Variants in CNTLN observed in about 807,000 individuals in gnomAD.
CNTLN encodes centlein.
CNTLN carries 212 observed loss-of-function variants against 180.0 expected under a neutral mutation model. The observed-to-expected ratio is 1.18, with a 90% CI of 1.05 to 1.32. The LOEUF is 1.32. Ranked by LOEUF, CNTLN falls within the 40% of genes most tolerant of loss-of-function variation. CNTLN has a pLI of 0.00. For missense variants in CNTLN, 2,095 were observed against 1,610.9 expected (o/e 1.30, Z -5.14); for synonymous variants, 722 against 563.1 (o/e 1.28, Z -3.99).
chr9:17,284,245 A>C (rs1237341137), intron 6 of CNTLN, among the ~76,000 whole-genome samples: 1 of 152,124 alleles, frequency 6.6e-6, no homozygotes, highest in Admixed American at 6.5e-5. Context: ...TTATTTTCTC[A>C]GGGTTTGGTA....
intron 23 of CNTLN, among the ~76,000 whole-genome samples, chr9:17,478,022 C>T (rs1832444486): frequency 6.6e-6 from 1 of 152,150 alleles, no homozygotes; most frequent in African/African-American, 2.4e-5. Flanking sequence ...CAACCATCAC[C>T]CTAATTTGTC....
intron 11 of CNTLN, 98 bp downstream of exon 11, chr9:17,341,046 A>T (rs1821442779): frequency 1.8e-6 from 2 of 1,109,256 alleles, no homozygotes; most frequent in East Asian, 6.1e-5. Flanking sequence ...GTTTTAAAGA[A>T]ATTATTTGGT....
At chr9:17,342,470 A>G (rs1045052880) in intron 12 of CNTLN, 26 bp downstream of exon 12, 2 of 1,575,566 alleles carry the variant, frequency 1.3e-6, no homozygotes, top group South Asian at 1.2e-5. Flanking sequence ...AACAATATGG[A>G]CTTAGATAAA....
intron 5 of CNTLN, among the ~76,000 whole-genome samples, chr9:17,266,235 G>A (rs921651199): frequency 6.6e-6 from 1 of 152,120 alleles, no homozygotes; most frequent in Non-Finnish European, 1.5e-5. Context: ...CTGGTATGCT[G>A]TGTCTTTGTT....
intron 1 of CNTLN, 24 bp downstream of exon 1, chr9:17,135,449 C>G: frequency 6.3e-7 from 1 of 1,575,190 alleles, no homozygotes; most frequent in South Asian, 1.2e-5. Context: ...TCGCAGTCCC[C>G]CTTTCCCCAC....
At chr9:17,299,911 C>A in intron 7 of CNTLN, 1 of 479,898 alleles carries the variant, frequency 2.1e-6, no homozygotes, top group Non-Finnish European at 2.7e-6. Context: ...CAGTTTTTAG[C>A]TGTCCCTTTT....
chr9:17,520,196 G>C, the CNTLN span, among the ~76,000 whole-genome samples: 26 of 152,164 alleles, frequency 1.7e-4, no homozygotes, highest in African/African-American at 5.1e-4. Flanking sequence ...ATTTTATGAA[G>C]TGTTTTCTTT....
chr9:17,501,158 T>C (rs1833735115), intron 25 of CNTLN, among the ~76,000 whole-genome samples: 1 of 152,220 alleles, frequency 6.6e-6, no homozygotes, highest in African/African-American at 2.4e-5. Context: ...TTCATCTGTA[T>C]CTTAAAACTG....
chr9:17,136,037 G>A (rs1817693752), intron 1 of CNTLN, among the ~76,000 whole-genome samples: 1 of 152,182 alleles, frequency 6.6e-6, no homozygotes, highest in African/African-American at 2.4e-5. Context: ...ACATTTTCAT[G>A]TGATCTTGCC....
chr9:17,510,367 A>G, the CNTLN span, among the ~76,000 whole-genome samples: 2 of 152,180 alleles, frequency 1.3e-5, no homozygotes, highest in Non-Finnish European at 2.9e-5. Flanking sequence ...TGAAATGAAT[A>G]TGTTTGTGCA....
At chr9:17,253,487 T>A (rs533255168) in intron 5 of CNTLN, among the ~76,000 whole-genome samples, 3 of 151,766 alleles carry the variant, frequency 2.0e-5, no homozygotes, top group Admixed American at 2.0e-4. Flanking sequence ...CCCTCCTTGG[T>A]TAAATTTAAT....
intron 5 of CNTLN, among the ~76,000 whole-genome samples, chr9:17,258,787 G>C (rs1826714417): frequency 1.4e-5 from 2 of 145,658 alleles, no homozygotes; most frequent in South Asian, 2.3e-4. Flanking sequence ...TCTGTTGTTG[G>C]TGTATAAGAA....
At chr9:17,400,319 A>G (rs1484608431) in intron 15 of CNTLN, among the ~76,000 whole-genome samples, 1 of 152,002 alleles carries the variant, frequency 6.6e-6, no homozygotes, top group Non-Finnish European at 1.5e-5. Flanking sequence ...TTGTATCTTT[A>G]CTAGAGATGA....
intron 12 of CNTLN, among the ~76,000 whole-genome samples, chr9:17,365,320 T>C (rs899225918): frequency 3.3e-5 from 5 of 152,180 alleles, no homozygotes; most frequent in Non-Finnish European, 5.9e-5. Context: ...CCTTCTGCCA[T>C]GAATGTTAAG....
intron 8 of CNTLN, among the ~76,000 whole-genome samples, chr9:17,315,657 T>C (rs974809147): frequency 3.3e-5 from 5 of 152,072 alleles, no homozygotes; most frequent in Admixed American, 2.6e-4. Flanking sequence ...TTGAGCTCTT[T>C]TTTGTATCTT....
At chr9:17,190,006 T>A (rs1821695057) in intron 2 of CNTLN, among the ~76,000 whole-genome samples, 1 of 151,682 alleles carries the variant, frequency 6.6e-6, no homozygotes. Context: ...GAACTCTCTC[T>A]CTCAATGCAG....
chr9:17,383,229 C>T (rs1289150483), intron 13 of CNTLN, among the ~76,000 whole-genome samples: 1 of 152,038 alleles, frequency 6.6e-6, no homozygotes, highest in Admixed American at 6.6e-5. Flanking sequence ...TAAAGTCATG[C>T]TTCTTTGTAG....
chr9:17,391,934 A>G (rs967996034), intron 14 of CNTLN, among the ~76,000 whole-genome samples: 11 of 152,158 alleles, frequency 7.2e-5, no homozygotes, highest in Admixed American at 3.3e-4. Flanking sequence ...AATAACTTAA[A>G]TATTTTACCA....
chr9:17,396,699 A>T, intron 15 of CNTLN, among the ~76,000 whole-genome samples: 1 of 152,246 alleles, frequency 6.6e-6, no homozygotes, highest in East Asian at 1.9e-4. Flanking sequence ...GTTAGGTCAC[A>T]CCCCAGACAA....
Sources: gnomAD v4.1 joint callset for allele counts (sites outside exome capture counted in the v4.1 genomes callset) on GRCh38, gnomAD v4.1.1 for gene constraint, MANE v1.5 for transcripts, NCBI Gene and HGNC (gene_info 2026-07-23, HGNC 2026-07-21) for gene names.